Variants in CCDC62 observed in about 807,000 individuals in gnomAD.
The protein encoded by CCDC62 is coiled-coil domain containing 62.
In CCDC62, 72 loss-of-function variants were observed where a neutral mutation model predicts 80.8. That is an observed-to-expected ratio of 0.89 (90% CI 0.74 to 1.08). CCDC62 has a LOEUF of 1.08. Among genes scored for constraint, CCDC62 ranks in the 50% least tolerant of loss-of-function variants. The pLI is 0.00. For synonymous variants in CCDC62, 286 were observed against 296.5 expected, an observed-to-expected ratio of 0.96 and a Z score of 0.36; for missense variants, 704 against 809.4, an observed-to-expected ratio of 0.87 and a Z score of 1.58.
In CCDC62 at chr12:122,811,298, G is replaced by A. The variant is rs1183548951; in HGVS notation, c.1852-1972G>A. On this transcript the variant is annotated intron_variant, in intron 10 of 12. Transcript: ENST00000253079. ...ACGATCTCGGCTCACCGCAACCTCCGCCTCCCAGGTTCAAGCGATTCTCCT... is the reference window on the plus strand; with the variant it reads ...ACGATCTCGGCTCACCGCAACCTCCACCTCCCAGGTTCAAGCGATTCTCCT... Among the ~76,000 whole-genome samples, 168 of 125,716 alleles carry A rather than the reference G, an allele frequency of 1.3e-3. 1 individual carries two copies. Among genetic ancestry groups the A allele is most frequent in the East Asian group, 0.012 (49 of 4,058 alleles). 82.5% of individuals were successfully genotyped at this position (125,716 alleles called of 152,430 possible).
At chr12:122,796,715 G>A (rs12313600) in intron 6 of CCDC62, among the ~76,000 whole-genome samples, 6,822 of 152,002 alleles carry the variant, frequency 0.045, 296 homozygotes, top group East Asian at 0.24. Flanking sequence ...GGGCAACATA[G>A]TGAGACCCCC....
chr12:122,775,985 C>T (rs977718513), intron 1 of CCDC62, among the ~76,000 whole-genome samples: 2 of 152,172 alleles, frequency 1.3e-5, no homozygotes, highest in African/African-American at 4.8e-5. Context: ...CTCTGTTGAA[C>T]CTTTAATTAC....
In CCDC62 at chr12:122,781,282, A is replaced by T; in HGVS notation, c.348A>T (p.Glu116Asp). The change falls in exon 3 of 13, where the codon GAA (glutamate) becomes GAT (aspartate). Residue 116 changes from glutamate to aspartate, a missense_variant. Physicochemically the swap from Glu to Asp is conservative, Grantham distance 45. Coordinates refer to ENST00000253079, the MANE Select transcript of CCDC62 (RefSeq NM_201435.5). ...AAAAGACCCAACTACAGCTTCAGGA[A>T]ATGGCTCAAAAGGCAACGCATTCTT... ...ALQKTQLQLQ[E>D]MAQKATHSSL... 6.2e-7 allele frequency: 1 copy of T among 1,614,142 alleles called. No homozygotes were observed. The highest frequency in any genetic ancestry group is 8.5e-7 in the Non-Finnish European group (1 of 1,180,002).
chr12:122,783,771 T>C (rs999644322), intron 3 of CCDC62, among the ~76,000 whole-genome samples: 1 of 152,170 alleles, frequency 6.6e-6, no homozygotes, highest in Admixed American at 6.5e-5. Flanking sequence ...CACAGCAAAA[T>C]TGAGCAGAAA....
chr12:122,816,026 C>T (rs780455769), intron 11 of CCDC62, among the ~76,000 whole-genome samples: 5 of 152,006 alleles, frequency 3.3e-5, no homozygotes, highest in Admixed American at 6.6e-5. Context: ...CTATGTGCCG[C>T]GAATAGATCC....
rs886957001 is a variant in CCDC62 at position 122,822,956 on chromosome 12, C to CT, written c.2002-403dup. On this transcript the variant is annotated intron_variant, in intron 11 of 12. Coordinates refer to ENST00000253079, the MANE Select transcript of CCDC62 (RefSeq NM_201435.5). ...GTGCAGATATCTCTTCATCTAACGTCTTTTTTTCTTTTTTCTTTTTTTGAG... is the reference window on the plus strand; with the variant it reads ...GTGCAGATATCTCTTCATCTAACGTCTTTTTTTTCTTTTTTCTTTTTTTGAG... Among the ~76,000 whole-genome samples the CT allele has an allele frequency of 2.6e-5, 4 of 151,684 alleles. No homozygotes were observed. In the East Asian group the frequency reaches 7.8e-4, roughly 29 times the overall value.
intron 8 of CCDC62, among the ~76,000 whole-genome samples, chr12:122,798,560 G>A (rs568768470): frequency 3.9e-5 from 6 of 152,182 alleles, no homozygotes; most frequent in Non-Finnish European, 8.8e-5. Flanking sequence ...CCGAGATCAC[G>A]CCACTGCACT....
chr12:122,796,880 T>C (rs1376751387), intron 6 of CCDC62, among the ~76,000 whole-genome samples: 2 of 8,002 alleles, frequency 2.5e-4, no homozygotes, highest in Non-Finnish European at 1.2e-3. Flanking sequence ...ACTTCTTCTT[T>C]TTTTTTTTTT....
intron 8 of CCDC62, among the ~76,000 whole-genome samples, chr12:122,800,725 C>A (rs1328611275): frequency 2.6e-5 from 4 of 151,558 alleles, no homozygotes; most frequent in Non-Finnish European, 2.9e-5. Context: ...CTGCACCCGG[C>A]CTCAAAAAAA....
chr12:122,822,257 C>T (rs2032439329), intron 11 of CCDC62, among the ~76,000 whole-genome samples: 1 of 151,998 alleles, frequency 6.6e-6, no homozygotes, highest in South Asian at 2.1e-4. Context: ...AGGCGCGTGC[C>T]ACCACGCCCA....
intron 8 of CCDC62, among the ~76,000 whole-genome samples, chr12:122,798,799 G>T (rs2031121677): frequency 6.6e-6 from 1 of 151,090 alleles, no homozygotes; most frequent in South Asian, 2.1e-4. Context: ...AAATAAATAG[G>T]CCTGGCGCGG....
chr12:122,799,075 G>A (rs949534588), intron 8 of CCDC62, among the ~76,000 whole-genome samples: 5 of 151,994 alleles, frequency 3.3e-5, no homozygotes, highest in Admixed American at 1.3e-4. Context: ...GTGAGACTCC[G>A]TATGAAAAAT....
At chr12:122,807,399 C>T (rs971177912) in intron 10 of CCDC62, among the ~76,000 whole-genome samples, 4 of 151,484 alleles carry the variant, frequency 2.6e-5, no homozygotes, top group East Asian at 1.9e-4. Flanking sequence ...GGTGTAGTGG[C>T]GGGTGCCTGT....
intron 3 of CCDC62, among the ~76,000 whole-genome samples, chr12:122,782,686 G>T (rs902180920): frequency 6.6e-6 from 1 of 151,862 alleles, no homozygotes; most frequent in Non-Finnish European, 1.5e-5. Context: ...TCCAACGCCC[G>T]ACCTCAGGTG....
At chr12:122,815,529 C>G (rs2032128190) in intron 11 of CCDC62, among the ~76,000 whole-genome samples, 1 of 152,098 alleles carries the variant, frequency 6.6e-6, no homozygotes, top group East Asian at 1.9e-4. Flanking sequence ...TCACTGCAAG[C>G]TCCGCCTCCC....
In CCDC62 at chr12:122,798,167, C is replaced by A; in HGVS notation, c.944C>A (p.Ser315Ter). The A allele has an allele frequency of 6.3e-7, 1 of 1,583,398 alleles. No homozygotes were observed. Among genetic ancestry groups the A allele is most frequent in the Non-Finnish European group, 8.7e-7 (1 of 1,152,678 alleles). The change falls in exon 8 of 13, where the codon TCA becomes TAA. Residue 315 changes from serine to a stop codon, truncating the protein, a stop_gained. Coordinates refer to ENST00000253079, the MANE Select transcript of CCDC62 (RefSeq NM_201435.5). LOFTEE classifies it high-confidence loss of function. ...CAGGAATTAATACAGATGTATGACT[C>A]AAAGATGGAGGAATCAAAGGCTCTG... ...NSQELIQMYD[S>*]KMEESKALDS...
chr12:122,800,584 C>T (rs4759392), intron 8 of CCDC62, among the ~76,000 whole-genome samples: 121,311 of 151,842 alleles, frequency 0.8, 49,547 homozygotes, highest in Middle Eastern at 0.91. Flanking sequence ...TGCGCCACCA[C>T]GCCCGGCTAA....
At chr12:122,785,222 A>G (rs1188108812) in intron 3 of CCDC62, among the ~76,000 whole-genome samples, 3 of 152,226 alleles carry the variant, frequency 2.0e-5, no homozygotes, top group Non-Finnish European at 2.9e-5. Context: ...ACATAGCACT[A>G]TGTGTTTTTT....
At chr12:122,790,289 T>G (rs554673033) in intron 5 of CCDC62, among the ~76,000 whole-genome samples, 329 of 152,192 alleles carry the variant, frequency 2.2e-3, no homozygotes, top group African/African-American at 7.7e-3. Flanking sequence ...GAGCTTGTGA[T>G]CCACCTGCCT....
Sources: gnomAD v4.1 joint callset for allele counts (sites outside exome capture counted in the v4.1 genomes callset) on GRCh38, gnomAD v4.1.1 for gene constraint, MANE v1.5 for transcripts, NCBI Gene and HGNC (gene_info 2026-07-23, HGNC 2026-07-21) for gene names.